The following LRP11 variants were observed in gnomAD, a reference collection of about 807,000 sequenced individuals.
LRP11 encodes low-density lipoprotein receptor-related protein 11.
In LRP11, 25 loss-of-function variants were observed where a neutral mutation model predicts 43.1. The observed-to-expected ratio is 0.58, with a 90% CI of 0.42 to 0.81. The LOEUF (loss-of-function observed/expected upper bound fraction) is 0.81, where lower values mean the gene tolerates loss of function less well. Ranked by LOEUF, LRP11 falls within the 30% of genes least tolerant of loss-of-function variation. LRP11 has a pLI of 0.00. For missense variants in LRP11, 623 were observed against 665.1 expected, an observed-to-expected ratio of 0.94 and a Z score of 0.70; for synonymous variants, 316 against 299.4, an observed-to-expected ratio of 1.06 and a Z score of -0.57.
At chr6:149,822,694 T>A (rs538828856) in intron 6 of LRP11, among the ~76,000 whole-genome samples, 5 of 152,024 alleles carry the variant, frequency 3.3e-5, no homozygotes, top group Non-Finnish European at 7.4e-5. Flanking sequence ...TGGGAAAAAA[T>A]GCAACAAAGT....
rs1776263879 is a variant in LRP11 at position 149,820,479 on chromosome 6, T to C, written c.*70A>G. 2 of 655,220 alleles carry C rather than the reference T, an allele frequency of 3.1e-6. No individual in the cohort carries two copies. The highest frequency in any genetic ancestry group is 5.6e-6 in the Non-Finnish European group (2 of 356,696). The allele number at this position is 655,220 out of a possible 1,614,324, so 40.6% of individuals were successfully genotyped here. A position where few individuals can be genotyped will look rare whatever the true frequency, so the allele number is the denominator to read the frequency against. On this transcript the variant is annotated 3_prime_UTR_variant, in exon 7 of 7. Transcript: ENST00000239367. ...TTAAAAACAAAAGAAGCTGTAAATATCCAGAACTTAATAGATGTATAAATT... is the reference window on the plus strand; with the variant it reads ...TTAAAAACAAAAGAAGCTGTAAATACCCAGAACTTAATAGATGTATAAATT...
intron 3 of LRP11, among the ~76,000 whole-genome samples, chr6:149,839,564 TTCTA>T (rs1246057242): frequency 1.3e-5 from 2 of 152,252 alleles, no homozygotes; most frequent in Non-Finnish European, 2.9e-5. Flanking sequence ...TTTGTAAATT[TTCTA>T]TCTATTTTTG....
In LRP11 at chr6:149,863,782, C is replaced by T; in HGVS notation, c.239G>A (p.Arg80His). The T allele has an allele frequency of 6.8e-7, 1 of 1,480,928 alleles. No homozygotes were observed. Among genetic ancestry groups the T allele is most frequent in the South Asian group, 1.3e-5 (1 of 78,756 alleles). The allele number at this position is 1,480,928 out of a possible 1,614,324, so 91.7% of individuals were successfully genotyped here. Residue 80 changes from arginine to histidine, a missense_variant, in exon 1 of 7, where the codon CGC (arginine) becomes CAC (histidine). Transcript: ENST00000239367. ...GTCCTCCTGGGGGCCGCCGCCCGCG[C>T]GCAGCTCCAGCTCCAGCTCCTCCTG... Reference protein sequence around the residue: ...RPQEELELELRAGGGPQEDCP... With the variant: ...RPQEELELELHAGGGPQEDCP...
rs73779577 is a variant in LRP11 at position 149,827,482 on chromosome 6, T to G, written c.1253-1123A>C. On this transcript the variant is annotated intron_variant, in intron 5 of 6. Transcript: ENST00000239367. This position sits in a 1 kb window ranked among gnomAD's most constrained non-coding sequence, Gnocchi z 4.2. ...CACAAAGTTGGCCAGGTGCACTGGC[T>G]CATGCCTATAATCCTGGCACTTTGG... 3.5e-3 allele frequency among the ~76,000 whole-genome samples: 536 copies of G among 152,378 alleles called. 3 individuals carry two copies. The highest frequency in any genetic ancestry group is 0.012 in the African/African-American group (508 of 41,592).
intron 1 of LRP11, among the ~76,000 whole-genome samples, chr6:149,860,056 G>C (rs1051597613): frequency 1.3e-5 from 2 of 152,150 alleles, no homozygotes; most frequent in Admixed American, 1.3e-4. Flanking sequence ...GAGAAGATAA[G>C]AATGTGAGAA....
intron 2 of LRP11, among the ~76,000 whole-genome samples, chr6:149,845,375 ACCT>A (rs1364222927): frequency 6.6e-6 from 1 of 152,104 alleles, no homozygotes; most frequent in Non-Finnish European, 1.5e-5. Context: ...CAGAATTGAG[ACCT>A]CGAGTTGTAA....
At chr6:149,855,679 G>A (rs563550417) in intron 1 of LRP11, among the ~76,000 whole-genome samples, 1 of 148,462 alleles carries the variant, frequency 6.7e-6, no homozygotes, top group East Asian at 2.0e-4. Flanking sequence ...GCTGCTGCCA[G>A]CCACAAAGGG....
chr6:149,829,094 T>G (rs1776375547), intron 5 of LRP11, among the ~76,000 whole-genome samples: 4 of 152,132 alleles, frequency 2.6e-5, no homozygotes, highest in Admixed American at 2.6e-4. Flanking sequence ...CTAAGTTACC[T>G]AAAAACCACT....
intron 1 of LRP11, among the ~76,000 whole-genome samples, chr6:149,860,953 T>A (rs1776883573): frequency 6.6e-6 from 1 of 151,840 alleles, no homozygotes; most frequent in South Asian, 2.1e-4. Flanking sequence ...ACAGAGTGAG[T>A]TCATGCGTGC....
At chr6:149,857,441 G>C (rs1776816118) in intron 1 of LRP11, among the ~76,000 whole-genome samples, 1 of 151,088 alleles carries the variant, frequency 6.6e-6, no homozygotes, top group African/African-American at 2.4e-5. Context: ...GGAATTCAAA[G>C]CTACGGTGAG....
At chr6:149,846,998 GAATAGAATAGAATAGAATAA>G (rs1262425531) in intron 2 of LRP11, among the ~76,000 whole-genome samples, 4 of 151,098 alleles carry the variant, frequency 2.6e-5, no homozygotes, top group African/African-American at 9.8e-5. Flanking sequence ...GAATAGAATA[GAATAGAATAGAATAGAATAA>G]ACCAAGGAAG....
At chr6:149,838,555 T>G (rs191353737) in intron 3 of LRP11, among the ~76,000 whole-genome samples, 2,273 of 151,696 alleles carry the variant, frequency 0.015, 26 homozygotes, top group Non-Finnish European at 0.025. Context: ...CTTGGTGGCA[T>G]GCACCTGTAG....
intron 6 of LRP11, among the ~76,000 whole-genome samples, chr6:149,825,731 C>T (rs952916581): frequency 6.6e-6 from 1 of 151,460 alleles, no homozygotes; most frequent in Non-Finnish European, 1.5e-5. Context: ...TCTTATCTCA[C>T]TGCAGCCTCG....
At chr6:149,820,782 C>T in intron 6 of LRP11, 79 bp from the exon 7 acceptor site, 1 of 708,200 alleles carries the variant, frequency 1.4e-6, no homozygotes, top group Non-Finnish European at 2.6e-6. Flanking sequence ...ATGATACGCG[C>T]TTTGCATGCA....
chr6:149,839,061 GTTTT>G (rs869148170), intron 3 of LRP11, among the ~76,000 whole-genome samples: 1 of 136,998 alleles, frequency 7.3e-6, no homozygotes, highest in Non-Finnish European at 1.6e-5. Context: ...GTTTTTTTTT[GTTTT>G]TTTTTTTTTT....
Position 149,820,818 on chromosome 6 carries a change from G to A in LRP11, c.1349-115C>T, listed in dbSNP as rs1049358098. 2.8e-5 allele frequency: 16 copies of A among 568,680 alleles called. No individual in the cohort carries two copies. In the South Asian group the frequency reaches 3.6e-4, roughly 13 times the overall value. 35.2% of individuals were successfully genotyped at this position (568,680 alleles called of 1,614,324 possible). A position where few individuals can be genotyped will look rare whatever the true frequency, so the allele number is the denominator to read the frequency against. ...CTATTTTATTTAATCCAAACAAATTGTTATTAGTATTATCACTATTTTGCA... is the reference window on the plus strand; with the variant it reads ...CTATTTTATTTAATCCAAACAAATTATTATTAGTATTATCACTATTTTGCA... On this transcript the variant is annotated intron_variant, in intron 6 of 6. Coordinates refer to ENST00000239367, the MANE Select transcript of LRP11 (RefSeq NM_032832.6).
At chr6:149,834,984 A>C (rs1776453136) in intron 5 of LRP11, among the ~76,000 whole-genome samples, 1 of 152,242 alleles carries the variant, frequency 6.6e-6, no homozygotes, top group Non-Finnish European at 1.5e-5. Flanking sequence ...ATTTTTCTTA[A>C]TAAACTTACT....
chr6:149,847,413 G>A (rs1291371876), intron 2 of LRP11, among the ~76,000 whole-genome samples: 1 of 152,164 alleles, frequency 6.6e-6, no homozygotes, highest in Non-Finnish European at 1.5e-5. Flanking sequence ...TTTAGCTAAC[G>A]AGAGCTGTCT....
intron 4 of LRP11, among the ~76,000 whole-genome samples, chr6:149,836,604 G>A (rs373695141): frequency 1.2e-4 from 18 of 152,232 alleles, no homozygotes; most frequent in Admixed American, 3.3e-4. Context: ...TTGAGCCCAC[G>A]AGTTCGTGAC....
Sources: gnomAD v4.1 joint callset for allele counts (sites outside exome capture counted in the v4.1 genomes callset) on GRCh38, gnomAD v4.1.1 for gene constraint, Gnocchi (gnomAD v3.1) non-coding constraint, MANE v1.5 for transcripts, NCBI Gene and HGNC (gene_info 2026-07-23, HGNC 2026-07-21) for gene names.